Variants in ARHGAP24 observed in about 807,000 individuals in gnomAD.
The protein encoded by ARHGAP24 is rho GTPase-activating protein 24.
A neutral mutation model predicts 76.4 loss-of-function variants in ARHGAP24; 50 were observed. That is an observed-to-expected ratio of 0.65 (90% confidence interval 0.52 to 0.83). The LOEUF (loss-of-function observed/expected upper bound fraction) is 0.83. ARHGAP24 is among the 40% of genes least tolerant of loss of function. The probability of loss-of-function intolerance (pLI) is 0.00; values close to 1 mark genes in which losing one functional copy is unlikely to be tolerated. For synonymous variants in ARHGAP24, 345 were observed against 323.3 expected (o/e 1.07, Z -0.72); for missense variants, 930 against 914.2 (o/e 1.02, Z -0.22).
At chr4:85,701,269 C>T (rs1448348546) in intron 2 of ARHGAP24, among the ~76,000 whole-genome samples, 1 of 152,180 alleles carries the variant, frequency 6.6e-6, no homozygotes, top group African/African-American at 2.4e-5. Context: ...GCCTCATAGC[C>T]TTTTGTTTTG....
At chr4:85,559,845 T>G (rs1008681435) in intron 1 of ARHGAP24, among the ~76,000 whole-genome samples, 1 of 152,212 alleles carries the variant, frequency 6.6e-6, no homozygotes, top group African/African-American at 2.4e-5. Flanking sequence ...TAAAATAAGT[T>G]GAATTTCTCA....
At chr4:85,940,579 G>T (rs1266233210) in intron 4 of ARHGAP24, among the ~76,000 whole-genome samples, 2 of 152,088 alleles carry the variant, frequency 1.3e-5, no homozygotes, top group Non-Finnish European at 2.9e-5. Context: ...AGGGAGAATG[G>T]GGTGTGAGTG....
chr4:85,943,194 T>C lies in ARHGAP24; in HGVS notation c.599+921T>C, dbSNP rs550683355. On this transcript the variant is annotated intron_variant, in intron 5 of 9. Transcript: ENST00000395184. Reference sequence around the variant, plus strand: ...ATTACTTAGGATAAATTCTCAGCATTGGAGTTTTTGGATAAGAGTAATCCT... The same window carrying C: ...ATTACTTAGGATAAATTCTCAGCATCGGAGTTTTTGGATAAGAGTAATCCT... Among the ~76,000 whole-genome samples, 5 of 152,298 alleles carry C rather than the reference T, an allele frequency of 3.3e-5. No homozygotes were observed. In the East Asian group the frequency reaches 9.6e-4, roughly 29 times the overall value.
intron 1 of ARHGAP24, among the ~76,000 whole-genome samples, chr4:85,567,291 G>A (rs542307380): frequency 6.6e-6 from 1 of 152,156 alleles, no homozygotes; most frequent in East Asian, 1.9e-4. Flanking sequence ...GAGACTCCTT[G>A]GAAGGCTATT....
chr4:85,647,698 G>A (rs181221079), intron 2 of ARHGAP24, among the ~76,000 whole-genome samples: 55 of 152,210 alleles, frequency 3.6e-4, no homozygotes, highest in Non-Finnish European at 7.1e-4. Flanking sequence ...CAGTGGTGCT[G>A]GCATGATAAT....
intron 2 of ARHGAP24, among the ~76,000 whole-genome samples, chr4:85,616,520 A>G (rs1339335443): frequency 6.6e-6 from 1 of 152,208 alleles, no homozygotes; most frequent in Admixed American, 6.5e-5. Context: ...TATGAGGTCT[A>G]GAAAAATAGA....
chr4:85,664,110 G>C (rs1470798856), intron 2 of ARHGAP24, among the ~76,000 whole-genome samples: 1 of 151,364 alleles, frequency 6.6e-6, no homozygotes. Flanking sequence ...TTGTACCTCT[G>C]GTAGAATTCG....
chr4:85,607,037 T>A (rs1720218618), intron 2 of ARHGAP24, among the ~76,000 whole-genome samples: 1 of 152,206 alleles, frequency 6.6e-6, no homozygotes, highest in Middle Eastern at 3.2e-3. Flanking sequence ...TGTGGAAGGG[T>A]ATCTGCAGTT....
chr4:85,559,716 A>G (rs1057044673), intron 1 of ARHGAP24, among the ~76,000 whole-genome samples: 6 of 152,196 alleles, frequency 3.9e-5, no homozygotes, highest in Non-Finnish European at 8.8e-5. Context: ...CACAGATTCA[A>G]TTAATAAATA....
At chr4:85,860,395 C>T (rs1731821489) in intron 3 of ARHGAP24, among the ~76,000 whole-genome samples, 2 of 152,070 alleles carry the variant, frequency 1.3e-5, no homozygotes, top group East Asian at 1.9e-4. Context: ...GCTAAATACA[C>T]ATCATATTTT....
intron 2 of ARHGAP24, among the ~76,000 whole-genome samples, chr4:85,649,103 G>A (rs1029790442): frequency 6.6e-6 from 1 of 151,890 alleles, no homozygotes; most frequent in Non-Finnish European, 1.5e-5. Context: ...AATGAACTAA[G>A]TGTTCGGCTG....
chr4:85,936,616 A>G (rs1736647730), intron 4 of ARHGAP24, among the ~76,000 whole-genome samples: 1 of 152,168 alleles, frequency 6.6e-6, no homozygotes, highest in South Asian at 2.1e-4. Flanking sequence ...TGTAAAAATA[A>G]AATCCTCTTT....
chr4:85,683,109 T>TGTGGGGGGGGGGGGG (rs1553922558), intron 2 of ARHGAP24, among the ~76,000 whole-genome samples: 1 of 17,482 alleles, frequency 5.7e-5, no homozygotes, highest in Non-Finnish European at 1.3e-4. Flanking sequence ...TCTCAGTGTG[T>TGTGGGGGGGGGGGGG]GGGGGGGTGG....
intron 2 of ARHGAP24, among the ~76,000 whole-genome samples, chr4:85,688,279 C>T (rs1397107388): frequency 6.6e-6 from 1 of 152,082 alleles, no homozygotes; most frequent in Non-Finnish European, 1.5e-5. Flanking sequence ...ACTGGTGTGA[C>T]ATAACATCTC....
chr4:85,487,441 T>A (rs1723126155), intron 1 of ARHGAP24, among the ~76,000 whole-genome samples: 1 of 92,214 alleles, frequency 1.1e-5, no homozygotes, highest in African/African-American at 4.0e-5. Flanking sequence ...TATAAATATA[T>A]ATTTATTATA....
At chr4:85,639,458 G>A (rs1464731174) in intron 2 of ARHGAP24, among the ~76,000 whole-genome samples, 1 of 152,084 alleles carries the variant, frequency 6.6e-6, no homozygotes, top group African/African-American at 2.4e-5. Context: ...ATAGGATTTG[G>A]ATCTCTTTGT....
intron 3 of ARHGAP24, among the ~76,000 whole-genome samples, chr4:85,789,220 T>TAAA (rs35635619): frequency 0.011 from 1,371 of 128,332 alleles, 18 homozygotes; most frequent in South Asian, 0.027. Flanking sequence ...GAACCTCCAT[T>TAAA]AAAAAAAAAA....
chr4:85,532,350 G>A (rs919629195), intron 1 of ARHGAP24, among the ~76,000 whole-genome samples: 1 of 152,108 alleles, frequency 6.6e-6, no homozygotes, highest in Non-Finnish European at 1.5e-5. Context: ...TGATCCTATA[G>A]GAGTGAGGGC....
At chr4:85,716,348 A>G (rs1724733167) in intron 2 of ARHGAP24, among the ~76,000 whole-genome samples, 1 of 152,132 alleles carries the variant, frequency 6.6e-6, no homozygotes, top group Admixed American at 6.6e-5. Flanking sequence ...TAGCTGTCAA[A>G]CTATAAAAGA....
Sources: gnomAD v4.1 joint callset for allele counts (sites outside exome capture counted in the v4.1 genomes callset) on GRCh38, gnomAD v4.1.1 for gene constraint, MANE v1.5 for transcripts, NCBI Gene and HGNC (gene_info 2026-07-23, HGNC 2026-07-21) for gene names.